Variants in GABRB3 observed in about 807,000 individuals in gnomAD.
GABRB3 encodes the protein gamma-aminobutyric acid type A receptor subunit beta3.
In GABRB3, 14 loss-of-function variants were observed where a neutral mutation model predicts 52.1. The ratio of observed to expected loss-of-function variants is 0.27; its 90% CI spans 0.18 to 0.42. GABRB3 has a LOEUF of 0.42. Among genes scored for constraint, GABRB3 ranks in the 10% least tolerant of loss-of-function variants. The pLI is 1.00. For synonymous variants in GABRB3, 260 were observed against 232.3 expected (o/e 1.12, Z -1.08); for missense variants, 307 against 609.1 (o/e 0.50, Z 5.22).
Position 26,625,121 on chromosome 15 carries a change from C to T in GABRB3, c.241-3587G>A, listed in dbSNP as rs572116097. 1.5e-4 allele frequency: 38 copies of T among 245,538 alleles called. 1 individual carries two copies. The South Asian group carries it at 5.1e-3, about 33-fold the overall frequency. The allele number at this position is 245,538 out of a possible 1,614,324, so 15.2% of individuals were successfully genotyped here. ...ACCCGGGATAGTGGAACTTGAAGTT[C>T]GGGCCACCTCCTTTCAGGGCCTGGC... On this transcript the variant is annotated intron_variant, in intron 3 of 8. Transcript: ENST00000311550.
rs1275882932 is a variant in GABRB3 at position 26,606,805 on chromosome 15, T to TATCGATAGATATATTGATAG, written c.461+14508_461+14509insCTATCAATATATCTATCGAT. On this transcript the variant is annotated intron_variant, in intron 4 of 8. Transcript: ENST00000311550. ...AGATATATCTATAGATAGATATATCTATAGATAGATAGATAGATAGATAGA... is the reference window on the plus strand; with the variant it reads ...AGATATATCTATAGATAGATATATCTATCGATAGATATATTGATAGATAGATAGATAGATAGATAGATAGA... Among the ~76,000 whole-genome samples the TATCGATAGATATATTGATAG allele has an allele frequency of 2.4e-3, 283 of 118,044 alleles. 6 individuals carry two copies. The highest frequency in any genetic ancestry group is 7.5e-3 in the African/African-American group (269 of 36,084). The allele number at this position is 118,044 out of a possible 152,430, so 77.4% of individuals were successfully genotyped here. A position where few individuals can be genotyped will look rare whatever the true frequency, so the allele number is the denominator to read the frequency against.
At chr15:26,773,543 A>C, upstream of GABRB3, 1 of 868,954 alleles carries the variant, frequency 1.2e-6, no homozygotes, top group Admixed American at 2.8e-5. Flanking sequence ...CGCCCGCTGC[A>C]GCGCAGCCCG....
intron 8 of GABRB3, among the ~76,000 whole-genome samples, chr15:26,555,368 C>T (rs1889713987): frequency 6.6e-6 from 1 of 152,130 alleles, no homozygotes; most frequent in African/African-American, 2.4e-5. Flanking sequence ...AGAATGAAGA[C>T]ACAAGACATC....
chr15:26,559,796 TA>T (rs1185667257), intron 8 of GABRB3, among the ~76,000 whole-genome samples: 2 of 152,164 alleles, frequency 1.3e-5, no homozygotes, highest in African/African-American at 4.8e-5. Flanking sequence ...ATGGACTTCA[TA>T]AAACAAAGTG....
chr15:26,703,607 G>A (rs1230266056), intron 3 of GABRB3, among the ~76,000 whole-genome samples: 1 of 152,146 alleles, frequency 6.6e-6, no homozygotes, highest in Admixed American at 6.5e-5. Flanking sequence ...GACATTCAAG[G>A]TAGAATTCAT....
intron 4 of GABRB3, among the ~76,000 whole-genome samples, chr15:26,610,955 CTTTG>C (rs1045476859): frequency 1.5e-4 from 23 of 152,222 alleles, no homozygotes; most frequent in African/African-American, 4.6e-4. Flanking sequence ...ACAAAATGAT[CTTTG>C]TTTATGTGAC....
intron 8 of GABRB3, chr15:26,557,955 C>G (rs1889818350): frequency 6.6e-6 from 1 of 152,136 alleles, no homozygotes; most frequent in African/African-American, 2.4e-5. Flanking sequence ...TGCAGCACCA[C>G]AGTTTGACTG....
intron 8 of GABRB3, among the ~76,000 whole-genome samples, chr15:26,551,339 C>G (rs1889453797): frequency 6.6e-6 from 1 of 152,148 alleles, no homozygotes; most frequent in South Asian, 2.1e-4. Context: ...AGGGAGAGCG[C>G]CCTGCAATGG....
At chr15:26,566,600 C>T (rs1480187891) in intron 7 of GABRB3, among the ~76,000 whole-genome samples, 1 of 152,034 alleles carries the variant, frequency 6.6e-6, no homozygotes, top group East Asian at 1.9e-4. Flanking sequence ...GTGGTGTGTG[C>T]CTGTTGTCCC....
chr15:26,762,814 T>C (rs865791659), intron 3 of GABRB3, among the ~76,000 whole-genome samples: 13 of 152,174 alleles, frequency 8.5e-5, no homozygotes, highest in Admixed American at 7.2e-4. Flanking sequence ...TAACATTCTA[T>C]AGGACGGTGT....
chr15:26,635,732 T>C (rs997145078), intron 3 of GABRB3, among the ~76,000 whole-genome samples: 1 of 152,228 alleles, frequency 6.6e-6, no homozygotes, highest in African/African-American at 2.4e-5. Flanking sequence ...TTCATATATA[T>C]GCATCTAGAT....
intron 3 of GABRB3, among the ~76,000 whole-genome samples, chr15:26,662,083 C>T (rs1887569567): frequency 6.6e-6 from 1 of 152,274 alleles, no homozygotes; most frequent in East Asian, 1.9e-4. Context: ...ACCATCAAAA[C>T]ACAATCCCTT....
At chr15:26,598,015 G>A (rs1891458589) in intron 4 of GABRB3, among the ~76,000 whole-genome samples, 1 of 152,186 alleles carries the variant, frequency 6.6e-6, no homozygotes, top group Admixed American at 6.5e-5. Flanking sequence ...AAATGTTAAT[G>A]CTAAATCTGA....
At position 26,567,568 on chromosome 15, in the gene GABRB3, A is replaced by C; in HGVS notation, c.835+13T>G. ...TACTTTACATTTAAATATCACTTAA[A>C]AATAGCACATACCGAGGGCAACTCT... On this transcript the variant is annotated intron_variant, in intron 7 of 8. Coordinates refer to ENST00000311550, the MANE Select transcript of GABRB3 (RefSeq NM_000814.6). 6.2e-7 allele frequency: 1 copy of C among 1,612,732 alleles called. No individual in the cohort carries two copies. Among genetic ancestry groups the C allele is most frequent in the Non-Finnish European group, 8.5e-7 (1 of 1,179,616 alleles).
intron 3 of GABRB3, among the ~76,000 whole-genome samples, chr15:26,718,043 G>A (rs1349945027): frequency 6.6e-6 from 1 of 152,186 alleles, no homozygotes; most frequent in East Asian, 1.9e-4. Flanking sequence ...CAAAAAAAAT[G>A]TCATACATAA....
chr15:26,557,051 G>A (rs537078010), intron 8 of GABRB3, among the ~76,000 whole-genome samples: 8 of 152,124 alleles, frequency 5.3e-5, no homozygotes, highest in African/African-American at 1.4e-4. Flanking sequence ...ACAGTGGACC[G>A]GATAAAGAAA....
intron 6 of GABRB3, among the ~76,000 whole-genome samples, chr15:26,579,140 TACTC>T (rs1261036046): frequency 2.0e-5 from 3 of 152,158 alleles, no homozygotes; most frequent in Non-Finnish European, 4.4e-5. Context: ...ATCAATTACT[TACTC>T]AGTGACAACT....
Position 26,737,720 on chromosome 15 carries a change from G to C in GABRB3, c.240+34682C>G, listed in dbSNP as rs528546555. Reference sequence around the variant, plus strand: ...AGAGCTGACCCTGGGATGTGGACAGGGTACCACTGTCCAGCCCAGTTCTTA... The same window carrying C: ...AGAGCTGACCCTGGGATGTGGACAGCGTACCACTGTCCAGCCCAGTTCTTA... On this transcript the variant is annotated intron_variant, in intron 3 of 8. Coordinates refer to ENST00000311550, the MANE Select transcript of GABRB3 (RefSeq NM_000814.6). Among the ~76,000 whole-genome samples, 121 of 152,100 alleles carry C rather than the reference G, an allele frequency of 8.0e-4. 1 individual carries two copies. The highest frequency in any genetic ancestry group is 3.4e-3 in the Middle Eastern group (1 of 294).
At chr15:26,712,528 C>T (rs1265723577) in intron 3 of GABRB3, among the ~76,000 whole-genome samples, 3 of 152,004 alleles carry the variant, frequency 2.0e-5, no homozygotes, top group Non-Finnish European at 2.9e-5. Context: ...GATTCTCTGA[C>T]GAACAAGGAC....
Sources: gnomAD v4.1 joint callset for allele counts (sites outside exome capture counted in the v4.1 genomes callset) on GRCh38, gnomAD v4.1.1 for gene constraint, MANE v1.5 for transcripts, NCBI Gene and HGNC (gene_info 2026-07-23, HGNC 2026-07-21) for gene names.